OTUD7A: variants seen among roughly 807,000 people sequenced by gnomAD.
OTUD7A encodes the protein OTU deubiquitinase 7A, also known as OTU domain-containing protein 7A.
OTUD7A carries 12 observed loss-of-function variants against 65.7 expected under a neutral mutation model. The observed-to-expected ratio is 0.18, with a 90% CI of 0.12 to 0.30. OTUD7A has a LOEUF of 0.30. Ranked by LOEUF, OTUD7A falls within the 10% of genes least tolerant of loss-of-function variation. The pLI is 1.00. For synonymous variants in OTUD7A, 641 were observed against 586.3 expected (o/e 1.09, Z -1.35); for missense variants, 1,148 against 1,304.8 (o/e 0.88, Z 1.85).
intron 1 of OTUD7A, among the ~76,000 whole-genome samples, chr15:31,859,042 G>C (rs143263678): frequency 9.2e-4 from 140 of 152,342 alleles, no homozygotes; most frequent in African/African-American, 3.3e-3. Flanking sequence ...CTACACAAAA[G>C]TATTTTGCAA....
At chr15:31,824,387 C>CCACAACACACTGAGCATT (rs1896752914) in intron 1 of OTUD7A, among the ~76,000 whole-genome samples, 1 of 152,148 alleles carries the variant, frequency 6.6e-6, no homozygotes, top group Non-Finnish European at 1.5e-5. Context: ...TCCTCCATGC[C>CCACAACACACTGAGCATT]CACAACACAC....
At position 31,763,030 on chromosome 15, in the gene OTUD7A, C is replaced by T. The variant is rs986117058; in HGVS notation, c.-99-105953G>A. Among the ~76,000 whole-genome samples the T allele has an allele frequency of 7.9e-5, 12 of 152,290 alleles. No individual in the cohort carries two copies. In the East Asian group the frequency reaches 2.3e-3, roughly 29 times the overall value. On this transcript the variant is annotated intron_variant, in intron 1 of 12. Coordinates refer to ENST00000307050, the MANE Select transcript of OTUD7A (RefSeq NM_001382637.1). ...AGGTGCGGTGGCTCACGCCTGTAAT[C>T]CCAACACTTTGTGAGGCTGAGGCAG...
chr15:31,766,243 T>A, intron 1 of OTUD7A: 1 of 1,559,332 alleles, frequency 6.4e-7, no homozygotes, highest in Non-Finnish European at 8.8e-7. Flanking sequence ...ACGGTATGTA[T>A]CAACAGTGAT....
At chr15:31,751,781 G>C (rs1430303913) in intron 1 of OTUD7A, among the ~76,000 whole-genome samples, 1 of 152,156 alleles carries the variant, frequency 6.6e-6, no homozygotes, top group Admixed American at 6.5e-5. Context: ...AGTGGAGCTG[G>C]AGGCCATTAT....
At chr15:31,782,646 A>C (rs1014508573) in intron 1 of OTUD7A, among the ~76,000 whole-genome samples, 2 of 152,186 alleles carry the variant, frequency 1.3e-5, no homozygotes, top group East Asian at 1.9e-4. Context: ...CCAGGAGAGG[A>C]AGCAGCAGAT....
At chr15:31,684,853 G>T (rs1229558485) in intron 1 of OTUD7A, among the ~76,000 whole-genome samples, 1 of 148,938 alleles carries the variant, frequency 6.7e-6, no homozygotes, top group African/African-American at 2.5e-5. Context: ...ACACAAAGAT[G>T]CGATGTCAGG....
At chr15:31,643,677 A>AT (rs1445361266) in intron 3 of OTUD7A, among the ~76,000 whole-genome samples, 1 of 152,182 alleles carries the variant, frequency 6.6e-6, no homozygotes, top group Non-Finnish European at 1.5e-5. Context: ...TGCATTCCTG[A>AT]TAACTTCTGA....
At chr15:31,543,831 T>C (rs570527930) in intron 5 of OTUD7A, among the ~76,000 whole-genome samples, 1 of 151,848 alleles carries the variant, frequency 6.6e-6, no homozygotes, top group Non-Finnish European at 1.5e-5. Context: ...CTATCGGTAA[T>C]TGAGAGAAAA....
intron 1 of OTUD7A, among the ~76,000 whole-genome samples, chr15:31,779,175 C>G (rs1487928400): frequency 6.6e-6 from 1 of 152,140 alleles, no homozygotes; most frequent in Admixed American, 6.5e-5. Context: ...ACCCAGGTGC[C>G]CTATTTAACC....
chr15:31,764,886 T>A (rs1438327517), intron 1 of OTUD7A, among the ~76,000 whole-genome samples: 1 of 152,174 alleles, frequency 6.6e-6, no homozygotes, highest in African/African-American at 2.4e-5. Context: ...AGCTGAATGA[T>A]TCTATATGCC....
chr15:31,646,505 G>C (rs1341745717), intron 3 of OTUD7A, among the ~76,000 whole-genome samples: 8 of 149,506 alleles, frequency 5.4e-5, no homozygotes, highest in African/African-American at 2.0e-4. Context: ...CTGTTGCCCA[G>C]GCTGGAGTAC....
intron 1 of OTUD7A, among the ~76,000 whole-genome samples, chr15:31,743,956 A>G (rs2141375751): frequency 6.6e-6 from 1 of 152,260 alleles, no homozygotes; most frequent in African/African-American, 2.4e-5. Context: ...CTACACATAT[A>G]AAAAGAATAA....
chr15:31,765,824 T>C, intron 1 of OTUD7A: 1 of 1,331,538 alleles, frequency 7.5e-7, no homozygotes, highest in Non-Finnish European at 1.1e-6. Context: ...CAAAAAGTGC[T>C]GCTTCACTCT....
chr15:31,648,609 T>C (rs573432954), intron 3 of OTUD7A, among the ~76,000 whole-genome samples: 4 of 152,136 alleles, frequency 2.6e-5, no homozygotes, highest in Non-Finnish European at 5.9e-5. Flanking sequence ...CTTAACCCAT[T>C]GTAAATCAGA....
chr15:31,843,326 T>C (rs1417362319), intron 1 of OTUD7A, among the ~76,000 whole-genome samples: 2 of 149,120 alleles, frequency 1.3e-5, no homozygotes, highest in African/African-American at 4.9e-5. Context: ...AAAATATTTT[T>C]TCTCCAAAAA....
intron 3 of OTUD7A, among the ~76,000 whole-genome samples, chr15:31,593,085 T>C (rs1017893716): frequency 6.6e-6 from 1 of 151,630 alleles, no homozygotes; most frequent in Non-Finnish European, 1.5e-5. Flanking sequence ...CATAGTTGTA[T>C]GTGCTAGACT....
intron 3 of OTUD7A, among the ~76,000 whole-genome samples, chr15:31,629,981 C>CT (rs1295385461): frequency 1.3e-5 from 2 of 151,540 alleles, no homozygotes; most frequent in African/African-American, 2.4e-5. Flanking sequence ...ATTCTTCTCT[C>CT]TTTCTTCTTT....
At chr15:31,847,027 G>A (rs1001026859) in intron 1 of OTUD7A, among the ~76,000 whole-genome samples, 3 of 152,210 alleles carry the variant, frequency 2.0e-5, no homozygotes, top group Admixed American at 2.0e-4. Flanking sequence ...GGGAAGGACA[G>A]TCCTCCTCCT....
At chr15:31,857,845 T>A (rs1897617141) in intron 1 of OTUD7A, among the ~76,000 whole-genome samples, 1 of 152,234 alleles carries the variant, frequency 6.6e-6, no homozygotes, top group Non-Finnish European at 1.5e-5. Context: ...ACTGCAGCAC[T>A]GAACCACAAG....
Sources: gnomAD v4.1 joint callset for allele counts (sites outside exome capture counted in the v4.1 genomes callset) on GRCh38, gnomAD v4.1.1 for gene constraint, MANE v1.5 for transcripts, NCBI Gene and HGNC (gene_info 2026-07-23, HGNC 2026-07-21) for gene names.